The following CADM2 variants were observed in gnomAD, a reference collection of about 807,000 sequenced individuals.
The protein encoded by CADM2 is immunoglobulin superfamily member 4D.
Under a neutral mutation model 49.8 loss-of-function variants are expected in CADM2, and 12 were observed. The ratio of observed to expected loss-of-function variants is 0.24; its 90% CI spans 0.15 to 0.39. The LOEUF (loss-of-function observed/expected upper bound fraction) is 0.39, where lower values mean the gene tolerates loss of function less well. Among genes scored for constraint, CADM2 ranks in the 10% least tolerant of loss-of-function variants. The pLI is 1.00. For synonymous variants in CADM2, 214 were observed against 175.4 expected, an observed-to-expected ratio of 1.22 and a Z score of -1.74; for missense variants, 378 against 492.3, an observed-to-expected ratio of 0.77 and a Z score of 2.20.
chr3:85,573,157 T>TTTTATTTATTTA (rs34809115), intron 1 of CADM2, among the ~76,000 whole-genome samples: 1 of 139,542 alleles, frequency 7.2e-6, no homozygotes, highest in South Asian at 2.4e-4. Context: ...AACGTGCTTA[T>TTTTATTTATTTA]TTTATTTATT....
At chr3:85,530,354 G>T (rs190777270) in intron 1 of CADM2, among the ~76,000 whole-genome samples, 39,582 of 112,572 alleles carry the variant, frequency 0.35, 7,236 homozygotes, top group East Asian at 0.59. Context: ...TTTTTGAGAC[G>T]GAGTCTCACT....
chr3:85,707,394 T>A (rs990203033), intron 1 of CADM2, among the ~76,000 whole-genome samples: 1 of 28,626 alleles, frequency 3.5e-5, no homozygotes, highest in East Asian at 4.9e-4. Context: ...TCATTGTATC[T>A]TTTTTTTTTT....
chr3:86,071,767 A>G lies in CADM2; in HGVS notation c.*4984A>G, dbSNP rs1014394934. The G allele has an allele frequency of 6.6e-6, 1 of 151,984 alleles. No individual in the cohort carries two copies. Among genetic ancestry groups the G allele is most frequent in the Non-Finnish European group, 1.5e-5 (1 of 67,888 alleles). 9.4% of individuals were successfully genotyped at this position (151,984 alleles called of 1,614,324 possible). A position where few individuals can be genotyped will look rare whatever the true frequency, so the allele number is the denominator to read the frequency against. ...CTTTTCTATCATTAGCTTTTCCTAA[A>G]GGCAAAATATTATAACTTTATAAGA... On this transcript the variant is annotated 3_prime_UTR_variant, in exon 10 of 10. Coordinates refer to ENST00000383699, the MANE Select transcript of CADM2 (RefSeq NM_001167675.2).
At chr3:84,977,805 A>G (rs1451254073) in intron 1 of CADM2, among the ~76,000 whole-genome samples, 1 of 152,110 alleles carries the variant, frequency 6.6e-6, no homozygotes, top group Non-Finnish European at 1.5e-5. Context: ...ACGTCAACGG[A>G]AAACAACACT....
At chr3:86,026,232 C>T (rs1428894637) in intron 8 of CADM2, among the ~76,000 whole-genome samples, 1 of 152,000 alleles carries the variant, frequency 6.6e-6, no homozygotes. Context: ...TTACATTTAA[C>T]TGTGTTTAAA....
intron 8 of CADM2, among the ~76,000 whole-genome samples, chr3:85,970,583 A>C (rs1045396836): frequency 6.6e-6 from 1 of 151,648 alleles, no homozygotes; most frequent in East Asian, 1.9e-4. Context: ...TTACCTTATC[A>C]TTTAATTTTT....
chr3:85,062,474 A>G (rs545472964), intron 1 of CADM2, among the ~76,000 whole-genome samples: 1 of 151,996 alleles, frequency 6.6e-6, no homozygotes, highest in Admixed American at 6.6e-5. Flanking sequence ...GAAATATTCC[A>G]TTTAAGAGAA....
rs767744872 is a variant in CADM2, at chr3:85,454,021, A to G, written c.62-272501A>G. The stretch of plus-strand genomic sequence containing the variant: ...GAACCAAGAAAAAACAGATTGAAGA[A>G]ATTATCCAAATTAAAACTAAACCTG... On this transcript the variant is annotated intron_variant, in intron 1 of 9. Coordinates refer to ENST00000383699, the MANE Select transcript of CADM2 (RefSeq NM_001167675.2). Among the ~76,000 whole-genome samples, 9 of 152,170 alleles carry G rather than the reference A, an allele frequency of 5.9e-5. No individual in the cohort carries two copies. The South Asian group carries it at 8.3e-4, about 14-fold the overall frequency.
chr3:85,158,119 T>C (rs1381370931), intron 1 of CADM2, among the ~76,000 whole-genome samples: 1 of 152,066 alleles, frequency 6.6e-6, no homozygotes, highest in Non-Finnish European at 1.5e-5. Context: ...ATCAGAGAAA[T>C]GCAAATCGAA....
At chr3:85,865,739 T>TGTGA (rs2075699089) in intron 3 of CADM2, among the ~76,000 whole-genome samples, 1 of 152,208 alleles carries the variant, frequency 6.6e-6, no homozygotes, top group African/African-American at 2.4e-5. Flanking sequence ...GTAGTTAAGC[T>TGTGA]GTGAGAGGGA....
intron 1 of CADM2, among the ~76,000 whole-genome samples, chr3:85,115,562 A>G (rs2038609493): frequency 6.6e-6 from 1 of 152,228 alleles, no homozygotes; most frequent in African/African-American, 2.4e-5. Flanking sequence ...TTCAAGACCC[A>G]AGATAAGCAC....
intron 1 of CADM2, among the ~76,000 whole-genome samples, chr3:85,585,554 A>C (rs1217891930): frequency 6.6e-6 from 1 of 152,000 alleles, no homozygotes. Context: ...TTGTATAAAA[A>C]AACATAGTAT....
chr3:85,632,615 ATT>A, intron 1 of CADM2, among the ~76,000 whole-genome samples: 1 of 152,040 alleles, frequency 6.6e-6, no homozygotes, highest in Non-Finnish European at 1.5e-5. Flanking sequence ...AAAGAGCTAA[ATT>A]TAGAGGATGC....
chr3:85,866,223 A>C (rs2075715563), intron 3 of CADM2, among the ~76,000 whole-genome samples: 1 of 152,200 alleles, frequency 6.6e-6, no homozygotes, highest in South Asian at 2.1e-4. Context: ...TTTTACTAAG[A>C]AAGGTAAAAT....
intron 1 of CADM2, among the ~76,000 whole-genome samples, chr3:85,250,861 T>A (rs1214840297): frequency 6.6e-6 from 1 of 151,688 alleles, no homozygotes; most frequent in African/African-American, 2.4e-5. Flanking sequence ...ATATATTGAG[T>A]TCATACAAAT....
chr3:85,527,375 C>G (rs1221281758), intron 1 of CADM2, among the ~76,000 whole-genome samples: 1 of 124,228 alleles, frequency 8.0e-6, no homozygotes, highest in Non-Finnish European at 1.9e-5. Flanking sequence ...GCCTGGGCGA[C>G]AGAGCAAGAC....
chr3:85,816,392 G>A (rs1168608715), intron 3 of CADM2, among the ~76,000 whole-genome samples: 1 of 152,012 alleles, frequency 6.6e-6, no homozygotes, highest in Non-Finnish European at 1.5e-5. Context: ...ACTGTGCTTT[G>A]AGTTATAGGC....
At chr3:85,872,660 C>G (rs2075974591) in intron 3 of CADM2, among the ~76,000 whole-genome samples, 1 of 149,754 alleles carries the variant, frequency 6.7e-6, no homozygotes, top group Non-Finnish European at 1.5e-5. Context: ...TTCATACATA[C>G]AATGTATACA....
chr3:85,322,622 A>G (rs61288113), intron 1 of CADM2, among the ~76,000 whole-genome samples: 12,050 of 152,272 alleles, frequency 0.079, 915 homozygotes, highest in African/African-American at 0.2. Flanking sequence ...AAACCAATGG[A>G]GAAAAATAGT....
Sources: allele counts gnomAD v4.1 joint callset (sites outside exome capture counted in the v4.1 genomes callset), GRCh38; gene constraint gnomAD v4.1.1; transcripts MANE v1.5; gene names NCBI Gene and HGNC (gene_info 2026-07-23, HGNC 2026-07-21).